Variants in OSBPL8 observed in about 807,000 individuals in gnomAD.
OSBPL8 encodes oxysterol-binding protein-related protein 8.
In OSBPL8, 59 loss-of-function variants were observed where a neutral mutation model predicts 125.5. The ratio of observed to expected loss-of-function variants is 0.47; its 90% confidence interval spans 0.38 to 0.58. The LOEUF is 0.58. Among genes scored for constraint, OSBPL8 ranks in the 20% least tolerant of loss-of-function variants. The pLI is 0.00. For missense variants in OSBPL8, 758 were observed against 1,047.8 expected, an observed-to-expected ratio of 0.72 and a Z score of 3.82; for synonymous variants, 330 against 338.9, an observed-to-expected ratio of 0.97 and a Z score of 0.29.
chr12:76,404,893 G>C (rs760308645), intron 5 of OSBPL8, among the ~76,000 whole-genome samples: 1 of 152,112 alleles, frequency 6.6e-6, no homozygotes, highest in Non-Finnish European at 1.5e-5. Flanking sequence ...TAACTTGCAT[G>C]TTGTTCGAGG....
intron 2 of OSBPL8, among the ~76,000 whole-genome samples, chr12:76,468,404 T>C (rs1295253952): frequency 2.6e-5 from 4 of 152,224 alleles, no homozygotes; most frequent in Non-Finnish European, 5.9e-5. Flanking sequence ...AACTGATTGC[T>C]TAAAGTGATC....
intron 1 of OSBPL8, among the ~76,000 whole-genome samples, chr12:76,527,434 C>T (rs1371188178): frequency 2.0e-5 from 3 of 152,158 alleles, no homozygotes; most frequent in Non-Finnish European, 4.4e-5. Context: ...ATATGTTAAA[C>T]ATTTTATTAC....
At chr12:76,384,395 T>A (rs1355023275) in intron 14 of OSBPL8, 45 bp from the exon 15 acceptor site, 5 of 1,068,316 alleles carry the variant, frequency 4.7e-6, no homozygotes, top group Non-Finnish European at 6.6e-6. Flanking sequence ...TATAAAAACA[T>A]GTTTATATAA....
chr12:76,408,052 G>C (rs555092672), intron 5 of OSBPL8, among the ~76,000 whole-genome samples: 1 of 149,908 alleles, frequency 6.7e-6, no homozygotes, highest in East Asian at 2.0e-4. Context: ...TGTGCCTGCA[G>C]TCCCAGCTAC....
intron 1 of OSBPL8, among the ~76,000 whole-genome samples, chr12:76,497,948 C>T (rs1328109934): frequency 6.6e-6 from 1 of 152,202 alleles, no homozygotes; most frequent in Non-Finnish European, 1.5e-5. Context: ...ACTTTCAACA[C>T]TTTTCAACAC....
In OSBPL8 at chr12:76,381,835, A is replaced by G. The variant is rs144287198; in HGVS notation, c.1630+2419T>C. The stretch of plus-strand genomic sequence containing the variant: ...TTGCAACCTCTGCCTCCCGGGTTCA[A>G]GTGATTCTCCTGCCTTAGCACTCCA... On this transcript the variant is annotated intron_variant, in intron 15 of 23. Transcript: ENST00000261183. Among the ~76,000 whole-genome samples the G allele has an allele frequency of 6.6e-5, 10 of 151,998 alleles. No individual in the cohort carries two copies. The East Asian group carries it at 1.9e-3, about 29-fold the overall frequency.
chr12:76,371,841 T>C (rs1460373223), intron 18 of OSBPL8: 6 of 258,512 alleles, frequency 2.3e-5, no homozygotes, highest in African/African-American at 1.3e-4. Flanking sequence ...TCATAAGTTT[T>C]ACTTAATAAA....
At chr12:76,403,246 T>C (rs2065334608) in intron 5 of OSBPL8, among the ~76,000 whole-genome samples, 2 of 152,206 alleles carry the variant, frequency 1.3e-5, no homozygotes, top group African/African-American at 4.8e-5. Context: ...TCTATCTAAT[T>C]CGTACAGCGT....
In OSBPL8 at chr12:76,353,262, C is replaced by T. The variant is rs1173293704; in HGVS notation, c.*2627G>A. On this transcript the variant is annotated 3_prime_UTR_variant, in exon 24 of 24. Transcript: ENST00000261183. ...TGAAATACAAATAAAATATCTATTG[C>T]TGTAACTTAACATTTCACATGCCCT... is the stretch of plus-strand genomic sequence containing the variant. 5 of 150,374 alleles carry T rather than the reference C, an allele frequency of 3.3e-5. No homozygotes were observed. The highest frequency in any genetic ancestry group is 6.7e-5 in the Admixed American group (1 of 15,014). 9.3% of individuals were successfully genotyped at this position (150,374 alleles called of 1,614,324 possible).
At chr12:76,452,990 A>C (rs1157538106) in intron 3 of OSBPL8, among the ~76,000 whole-genome samples, 2 of 148,856 alleles carry the variant, frequency 1.3e-5, no homozygotes, top group East Asian at 3.9e-4. Context: ...TCAACATGGC[A>C]CAATTTGGCA....
chr12:76,541,981 G>A (rs924101564), intron 1 of OSBPL8, among the ~76,000 whole-genome samples: 1 of 152,178 alleles, frequency 6.6e-6, no homozygotes, highest in Non-Finnish European at 1.5e-5. Context: ...AGACCCACCT[G>A]GCCAACCTGG....
chr12:76,517,635 G>A (rs1283367076), intron 1 of OSBPL8, among the ~76,000 whole-genome samples: 3 of 152,122 alleles, frequency 2.0e-5, no homozygotes, highest in Non-Finnish European at 4.4e-5. Flanking sequence ...AAGAAATGAG[G>A]CTGGGTAATT....
At chr12:76,538,479 A>G (rs988327183) in intron 1 of OSBPL8, among the ~76,000 whole-genome samples, 2 of 152,196 alleles carry the variant, frequency 1.3e-5, no homozygotes, top group Non-Finnish European at 2.9e-5. Flanking sequence ...TGACACAGCT[A>G]TAGATTATTT....
At chr12:76,530,506 A>T (rs1490064951) in intron 1 of OSBPL8, among the ~76,000 whole-genome samples, 1 of 152,202 alleles carries the variant, frequency 6.6e-6, no homozygotes, top group Non-Finnish European at 1.5e-5. Context: ...CAAAATAGCA[A>T]CTTGCCTCCT....
rs902665678 is a variant in OSBPL8 at position 76,353,567 on chromosome 12, T to C, written c.*2322A>G. On this transcript the variant is annotated 3_prime_UTR_variant, in exon 24 of 24. Transcript: ENST00000261183. Reference sequence around the variant, plus strand: ...GAAGATTAATTTCAGGTAAATAACATTCAAAGTCAATTACATATATGGCTA... The same window carrying C: ...GAAGATTAATTTCAGGTAAATAACACTCAAAGTCAATTACATATATGGCTA... The C allele has an allele frequency of 6.6e-6, 1 of 152,338 alleles. No homozygotes were observed. The highest frequency in any genetic ancestry group is 2.4e-5 in the African/African-American group (1 of 41,442). The allele number at this position is 152,338 out of a possible 1,614,324, so 9.4% of individuals were successfully genotyped here.
At position 76,495,245 on chromosome 12, in the gene OSBPL8, G is replaced by A. The variant is rs371655780; in HGVS notation, c.-67-7627C>T. Among the ~76,000 whole-genome samples the A allele has an allele frequency of 9.2e-5, 14 of 152,286 alleles. No individual in the cohort carries two copies. In the East Asian group the frequency reaches 9.6e-4, roughly 10 times the overall value. ...ATAAACCAGTTATCTTCCAGTTCCTGTAAGCTGTATGTTATATGCAAAAGA... is the reference window on the plus strand; with the variant it reads ...ATAAACCAGTTATCTTCCAGTTCCTATAAGCTGTATGTTATATGCAAAAGA... On this transcript the variant is annotated intron_variant, in intron 1 of 23. Transcript: ENST00000261183.
In OSBPL8 at chr12:76,431,045, A is replaced by G. The variant is rs776174817; in HGVS notation, c.217+19806T>C. The stretch of plus-strand genomic sequence containing the variant: ...AAATAATTTAGAAGACAGAAGTAGA[A>G]TAACTATAAAGACAAACTTATTGAT... On this transcript the variant is annotated intron_variant, in intron 4 of 23. Transcript: ENST00000261183. 5.3e-5 allele frequency among the ~76,000 whole-genome samples: 8 copies of G among 152,202 alleles called. No homozygotes were observed. The South Asian group carries it at 6.2e-4, about 12-fold the overall frequency.
At chr12:76,488,487 T>TC (rs1173447232) in intron 1 of OSBPL8, among the ~76,000 whole-genome samples, 14 of 152,232 alleles carry the variant, frequency 9.2e-5, no homozygotes, top group African/African-American at 3.4e-4. Flanking sequence ...AGTAAGTCTA[T>TC]CGGTACTTTT....
rs1315434653 is a variant in OSBPL8, at chr12:76,483,470, A to AG, written c.42+4039dup. Among the ~76,000 whole-genome samples, 5 of 148,164 alleles carry AG rather than the reference A, an allele frequency of 3.4e-5. No homozygotes were observed. In the East Asian group the frequency reaches 6.3e-4, roughly 19 times the overall value. On this transcript the variant is annotated intron_variant, in intron 2 of 23. Coordinates refer to ENST00000261183, the MANE Select transcript of OSBPL8 (RefSeq NM_020841.5). ...TCCCAGCTACTCGGGAGGCTGAGGC[A>AG]GGCAAACTGCTTGAATCAGGGAGAT...
Sources: allele counts gnomAD v4.1 joint callset (sites outside exome capture counted in the v4.1 genomes callset), GRCh38; gene constraint gnomAD v4.1.1; transcripts MANE v1.5; gene names NCBI Gene and HGNC (gene_info 2026-07-23, HGNC 2026-07-21).